GFOD2: variants seen among roughly 807,000 people sequenced by gnomAD.
GFOD2 encodes the protein glucose-fructose oxidoreductase domain-containing protein 2.
In GFOD2, 9 loss-of-function variants were observed where a neutral mutation model predicts 24.6. The observed-to-expected ratio is 0.37, with a 90% CI of 0.22 to 0.64. The LOEUF is 0.64. Ranked by LOEUF, GFOD2 falls within the 30% of genes least tolerant of loss-of-function variation. The probability of loss-of-function intolerance (pLI) is 0.65; values close to 1 mark genes in which losing one functional copy is unlikely to be tolerated. For synonymous variants in GFOD2, 211 were observed against 224.8 expected (o/e 0.94, Z 0.55); for missense variants, 476 against 532.5 (o/e 0.89, Z 1.04).
In GFOD2 at chr16:67,674,872, G is replaced by A. The variant is rs1194203253; in HGVS notation, c.*283C>T. 4.6e-6 allele frequency: 2 copies of A among 431,552 alleles called. No individual in the cohort carries two copies. Among genetic ancestry groups the A allele is most frequent in the African/African-American group, 2.0e-5 (1 of 50,402 alleles). 26.7% of individuals were successfully genotyped at this position (431,552 alleles called of 1,614,324 possible). On this transcript the variant is annotated 3_prime_UTR_variant, in exon 3 of 3. Transcript: ENST00000268797. ...ATCAGGCTGAAGGGCTCCCCAGGGT[G>A]AGCCTTTCCTGGTCCGACTCACTGG...
intron 1 of GFOD2, among the ~76,000 whole-genome samples, chr16:67,690,090 G>A (rs2053299509): frequency 6.6e-6 from 1 of 152,172 alleles, no homozygotes; most frequent in African/African-American, 2.4e-5. Flanking sequence ...GGACACCTGG[G>A]TTGCTTCCAT....
At chr16:67,695,023 C>T (rs1206263285) in intron 1 of GFOD2, among the ~76,000 whole-genome samples, 1 of 133,768 alleles carries the variant, frequency 7.5e-6, no homozygotes, top group Non-Finnish European at 1.5e-5. Flanking sequence ...GACGGAGTCT[C>T]ACTCTGTCGC....
intron 1 of GFOD2, among the ~76,000 whole-genome samples, chr16:67,707,870 T>C (rs1050993942): frequency 3.9e-5 from 6 of 152,242 alleles, no homozygotes; most frequent in Middle Eastern, 3.4e-3. Flanking sequence ...AAAAACATTA[T>C]GTAGAGTGAA....
chr16:67,719,034 A>C (rs1206343894), intron 1 of GFOD2, 129 bp downstream of exon 1: 2 of 152,240 alleles, frequency 1.3e-5, no homozygotes, highest in African/African-American at 4.8e-5. Flanking sequence ...AGCCCCCTCC[A>C]ACCCCGGCTC....
In GFOD2 at chr16:67,689,100, C is replaced by T. The variant is rs189506906; in HGVS notation, c.-87-3298G>A. 9.5e-4 allele frequency among the ~76,000 whole-genome samples: 142 copies of T among 150,190 alleles called. 1 individual carries two copies. In the South Asian group the frequency reaches 0.011, roughly 11 times the overall value. On this transcript the variant is annotated intron_variant, in intron 1 of 2. Coordinates refer to ENST00000268797, the MANE Select transcript of GFOD2 (RefSeq NM_030819.4). ...TGTTGCCCAGGCTGGAGTGCAGTGGCGCAATCTCAGCTTACTGCAACCTCC... is the reference window on the plus strand; with the variant it reads ...TGTTGCCCAGGCTGGAGTGCAGTGGTGCAATCTCAGCTTACTGCAACCTCC...
chr16:67,713,027 C>T (rs926645395), intron 1 of GFOD2, among the ~76,000 whole-genome samples: 1 of 140,312 alleles, frequency 7.1e-6, no homozygotes, highest in African/African-American at 3.1e-5. Flanking sequence ...GGACTACAGG[C>T]ATGCACCACC....
At chr16:67,681,989 GAAC>G (rs938969243) in intron 2 of GFOD2, 2 of 446,460 alleles carry the variant, frequency 4.5e-6, no homozygotes, top group African/African-American at 4.3e-5. Flanking sequence ...AAACCAGCTT[GAAC>G]AACACAGCAA....
intron 1 of GFOD2, among the ~76,000 whole-genome samples, chr16:67,714,592 T>A (rs890451609): frequency 1.3e-5 from 2 of 152,048 alleles, no homozygotes; most frequent in Non-Finnish European, 2.9e-5. Flanking sequence ...TATAAAGTGA[T>A]ACAGTAAAAT....
chr16:67,675,347 G>A lies in GFOD2; in HGVS notation c.966C>T (p.Gly322=), dbSNP rs145134196. 84 of 1,612,988 alleles carry A rather than the reference G, an allele frequency of 5.2e-5. No homozygotes were observed. The highest frequency in any genetic ancestry group is 7.7e-5 in the South Asian group (7 of 91,072). The change falls in exon 3 of 3, where the codon GGC becomes GGT. Residue 322 remains glycine, a synonymous_variant. Transcript: ENST00000268797. ...QALRQSFQGQ[G]DRRTWDRTPV... ...GGGTGCGGTCCCAGGTGCGGCGGTC[G>A]CCCTGCCCCTGGAAGGACTGGCGCA...
chr16:67,697,123 T>C (rs1440924287), intron 1 of GFOD2, among the ~76,000 whole-genome samples: 1 of 152,212 alleles, frequency 6.6e-6, no homozygotes, highest in Non-Finnish European at 1.5e-5. Context: ...ACAGGCTATA[T>C]ACAATTTGAC....
At chr16:67,687,748 T>C (rs770015618) in intron 1 of GFOD2, among the ~76,000 whole-genome samples, 2 of 148,760 alleles carry the variant, frequency 1.3e-5, no homozygotes, top group East Asian at 3.9e-4. Flanking sequence ...AGCAGGAGGA[T>C]TGCTTGAGAT....
At chr16:67,703,683 G>C (rs983287026) in intron 1 of GFOD2, among the ~76,000 whole-genome samples, 4 of 152,172 alleles carry the variant, frequency 2.6e-5, no homozygotes, top group African/African-American at 9.6e-5. Flanking sequence ...TACCCTCAAA[G>C]AACTCCACAG....
At chr16:67,685,868 T>C in intron 1 of GFOD2, 66 bp from the exon 2 acceptor site, 1 of 920,652 alleles carries the variant, frequency 1.1e-6, no homozygotes, top group Non-Finnish European at 1.6e-6. Flanking sequence ...ACTTTCTTTT[T>C]TTTTTGAGAT....
intron 2 of GFOD2, chr16:67,676,803 G>C (rs1416050342): frequency 6.6e-6 from 1 of 152,234 alleles, no homozygotes; most frequent in African/African-American, 2.4e-5. Flanking sequence ...CACGCACCCA[G>C]AGGTAAACAA....
chr16:67,694,843 C>T (rs373772817), intron 1 of GFOD2, among the ~76,000 whole-genome samples: 11 of 152,286 alleles, frequency 7.2e-5, no homozygotes, highest in African/African-American at 2.2e-4. Context: ...CTTGTCTCCA[C>T]TCTCTGTGAC....
intron 1 of GFOD2, among the ~76,000 whole-genome samples, chr16:67,701,439 C>G (rs539331549): frequency 2.0e-5 from 3 of 152,282 alleles, no homozygotes; most frequent in African/African-American, 7.2e-5. Context: ...GAACATACTA[C>G]GGATATATGC....
intron 2 of GFOD2, chr16:67,681,188 C>A (rs2053222761): frequency 1.0e-6 from 1 of 985,452 alleles, no homozygotes; most frequent in African/African-American, 1.7e-5. Flanking sequence ...CTCAGACACC[C>A]CACCTGAGAG....
chr16:67,681,727 A>C (rs1169021588), intron 2 of GFOD2: 1 of 985,166 alleles, frequency 1.0e-6, no homozygotes, highest in Non-Finnish European at 1.2e-6. Flanking sequence ...CAGCACTCTT[A>C]AACTTAGGGC....
chr16:67,715,818 A>T (rs190256664), intron 1 of GFOD2, among the ~76,000 whole-genome samples: 20 of 151,524 alleles, frequency 1.3e-4, no homozygotes, highest in Middle Eastern at 6.9e-3. Flanking sequence ...CCCCTGTTAT[A>T]GAGACCCCCA....
Sources: allele counts gnomAD v4.1 joint callset (sites outside exome capture counted in the v4.1 genomes callset), GRCh38; gene constraint gnomAD v4.1.1; transcripts MANE v1.5; gene names NCBI Gene and HGNC (gene_info 2026-07-23, HGNC 2026-07-21).